Variants in TAF1C observed in about 807,000 individuals in gnomAD.
TAF1C encodes the protein TATA box-binding protein-associated factor RNA polymerase I subunit C.
A neutral mutation model predicts 70.5 loss-of-function variants in TAF1C; 79 were observed. That is an observed-to-expected ratio of 1.12 (90% CI 0.93 to 1.35). TAF1C has a LOEUF of 1.35. Ranked by LOEUF, TAF1C falls within the 40% of genes most tolerant of loss-of-function variation. TAF1C has a pLI of 0.00. For synonymous variants in TAF1C, 614 were observed against 491.1 expected (o/e 1.25, Z -3.31); for missense variants, 1,412 against 1,127.8 (o/e 1.25, Z -3.61).
rs985172922 is a variant in TAF1C at position 84,187,041 on chromosome 16, G to A, written c.-213C>T. 1.3e-5 allele frequency: 2 copies of A among 152,176 alleles called. No individual in the cohort carries two copies. Among genetic ancestry groups the A allele is most frequent in the Non-Finnish European group, 2.9e-5 (2 of 68,032 alleles). The allele number at this position is 152,176 out of a possible 1,614,324, so 9.4% of individuals were successfully genotyped here. A position where few individuals can be genotyped will look rare whatever the true frequency, so the allele number is the denominator to read the frequency against. On this transcript the variant is annotated 5_prime_UTR_variant, in exon 1 of 15. Coordinates refer to ENST00000566732, the MANE Select transcript of TAF1C (RefSeq NM_001243156.2). Reference sequence around the variant, plus strand: ...GTCAGCCCCGCCGCAGCTACCCACGGTCTTCCGGTTTGGACCGGAAGTGCC... The same window carrying A: ...GTCAGCCCCGCCGCAGCTACCCACGATCTTCCGGTTTGGACCGGAAGTGCC...
chr16:84,184,950 C>A lies in TAF1C; in HGVS notation c.39G>T (p.Leu13=). The A allele has an allele frequency of 6.2e-7, 1 of 1,613,920 alleles. No homozygotes were observed. The highest frequency in any genetic ancestry group is 8.5e-7 in the Non-Finnish European group (1 of 1,179,954). The change falls in exon 2 of 15, where the codon CTG becomes CTT. Residue 13 remains leucine (L), a synonymous_variant. Coordinates refer to ENST00000566732, the MANE Select transcript of TAF1C (RefSeq NM_001243156.2). The stretch of plus-strand genomic sequence containing the variant: ...CGTCGCTCAGACCAAGGGGGCCGGT[C>A]AGAAACAATGCAGGGCGGAGGGAGC... The part of the protein sequence containing the change: ...FPSSLRPALF[L]TGPLGLSDVP...
chr16:84,180,896 C>T (rs4150157), intron 12 of TAF1C, 147 bp downstream of exon 12: 503,617 of 1,431,152 alleles, frequency 0.35, 91,292 homozygotes, highest in Admixed American at 0.43. Flanking sequence ...GGATCCACTG[C>T]GTGTTTGGGC....
chr16:84,181,422 C>T lies in TAF1C; in HGVS notation c.1070G>A (p.Arg357Gln), dbSNP rs558836491. Residue 357 changes from arginine (R) to glutamine (Q), a missense_variant, in exon 11 of 15, where the codon CGG becomes CAG. Coordinates refer to ENST00000566732, the MANE Select transcript of TAF1C (RefSeq NM_001243156.2). ...IYRDPETLVF[R>Q]DSSSWRWADF... is the part of the protein sequence containing the mutation. ...TGCCCAACGCCACGAAGAGGAGTCC[C>T]GGAACACGAGGGTCTCAGGGTCCCT... The T allele has an allele frequency of 8.3e-5, 134 of 1,613,842 alleles. No homozygotes were observed. In the South Asian group the frequency reaches 1.1e-3, roughly 13 times the overall value.
intron 1 of TAF1C, among the ~76,000 whole-genome samples, chr16:84,186,202 A>C (rs2089478276): frequency 6.6e-6 from 1 of 152,248 alleles, no homozygotes; most frequent in Admixed American, 6.5e-5. Flanking sequence ...GCTCCGAACC[A>C]GTGCTCTCGC....
At position 84,183,220 on chromosome 16, in the gene TAF1C, C is replaced by G. The variant is rs144692241; in HGVS notation, c.408+24G>C. 4.9e-4 allele frequency: 783 copies of G among 1,613,954 alleles called. 5 individuals are homozygous for G. The Middle Eastern group carries it at 8.9e-3, about 18-fold the overall frequency. On this transcript the variant is annotated intron_variant, in intron 5 of 14. Coordinates refer to ENST00000566732, the MANE Select transcript of TAF1C (RefSeq NM_001243156.2). ...CCTGAAGGACAGCAGGGAGTCCCCACCCCTGGAGTCACGGGCCACTCACCC... is the reference window on the plus strand; with the variant it reads ...CCTGAAGGACAGCAGGGAGTCCCCAGCCCTGGAGTCACGGGCCACTCACCC...
Position 84,178,350 on chromosome 16 carries a change from G to A in TAF1C, c.*591C>T, listed in dbSNP as rs748009460. On this transcript the variant is annotated 3_prime_UTR_variant, in exon 15 of 15. Transcript: ENST00000566732. ...CAGGTAGTAGCTGTGGCGGGACGCT[G>A]TCCAGCCTAAAAAACGTGACCATTC... The A allele has an allele frequency of 2.0e-5, 9 of 456,818 alleles. No individual in the cohort carries two copies. 28.3% of individuals were successfully genotyped at this position (456,818 alleles called of 1,614,324 possible). A position where few individuals can be genotyped will look rare whatever the true frequency, so the allele number is the denominator to read the frequency against.
rs1224160069 is a variant in TAF1C, at chr16:84,179,292, C to G, written c.2181G>C (p.Arg727=). Residue 727 remains arginine (R), a synonymous_variant, in exon 15 of 15, where the codon CGG becomes CGC. Coordinates refer to ENST00000566732, the MANE Select transcript of TAF1C (RefSeq NM_001243156.2). ...GCGAAAAGCTGCTGGACAGCTGGGTCCGGCGCTTGGGCCGCCTGGTCTGTC... is the reference window on the plus strand; with the variant it reads ...GCGAAAAGCTGCTGGACAGCTGGGTGCGGCGCTTGGGCCGCCTGGTCTGTC... ...PGRQTRRPKR[R]TQLSSSFSLS... is the part of the protein sequence containing the mutation. 6.3e-7 allele frequency: 1 copy of G among 1,593,282 alleles called. No individual in the cohort carries two copies. Among genetic ancestry groups the G allele is most frequent in the African/African-American group, 1.3e-5 (1 of 74,780 alleles).
chr16:84,183,326 C>A lies in TAF1C; in HGVS notation c.326G>T (p.Arg109Leu). Residue 109 changes from arginine to leucine, a missense_variant, in exon 5 of 15, where the codon CGG becomes CTG. Transcript: ENST00000566732. The part of the protein sequence containing the change: ...VVLDVTEQIS[R>L]FLLDHGDVAF... Reference sequence around the variant, plus strand: ...TACGTCTCCATGATCCAAGAGGAACCGGCTGATCTGGGGAGAAGAGGAGGC... The same window carrying A: ...TACGTCTCCATGATCCAAGAGGAACAGGCTGATCTGGGGAGAAGAGGAGGC... 3 of 1,613,974 alleles carry A rather than the reference C, an allele frequency of 1.9e-6. No homozygotes were observed. The highest frequency in any genetic ancestry group is 2.2e-5 in the South Asian group (2 of 91,080).
In TAF1C at chr16:84,184,963, G is replaced by A; in HGVS notation, c.26C>T (p.Pro9Leu). The A allele has an allele frequency of 1.9e-6, 3 of 1,613,838 alleles. No homozygotes were observed. The highest frequency in any genetic ancestry group is 2.5e-6 in the Non-Finnish European group (3 of 1,179,894). Residue 9 changes from proline (P) to leucine (L), a missense_variant, in exon 2 of 15, where the codon CCT (proline) becomes CTT (leucine). Physicochemically the swap from Pro to Leu is moderately conservative, Grantham distance 98. Transcript: ENST00000566732. MDFPSSLR[P>L]ALFLTGPLGL... is the part of the protein sequence containing the mutation. ...AAGGGGGCCGGTCAGAAACAATGCAGGGCGGAGGGAGCTGGGGAAGTCCAT... is the reference window on the plus strand; with the variant it reads ...AAGGGGGCCGGTCAGAAACAATGCAAGGCGGAGGGAGCTGGGGAAGTCCAT...
Position 84,181,179 on chromosome 16 carries a change from G to C in TAF1C, c.1172C>G (p.Pro391Arg). 1 of 1,607,484 alleles carries C rather than the reference G, an allele frequency of 6.2e-7. No homozygotes were observed. The highest frequency in any genetic ancestry group is 2.2e-5 in the East Asian group (1 of 44,652). The change falls in exon 12 of 15, where the codon CCG becomes CGG. Residue 391 changes from proline to arginine, a missense_variant. Coordinates refer to ENST00000566732, the MANE Select transcript of TAF1C (RefSeq NM_001243156.2). ...ACGAAAAAGCAACAGACCACAGCCC[G>C]GCGGGCCCTGGAAGATAAACACAGG... ...GVKMLDTQGP[P>R]GCGLLLFRLG...
In TAF1C at chr16:84,179,536, T is replaced by C; in HGVS notation, c.1937A>G (p.Glu646Gly). The change falls in exon 15 of 15, where the codon GAG (glutamate) becomes GGG (glycine). Residue 646 changes from glutamate to glycine, a missense_variant. Physicochemically the swap from Glu to Gly is moderately conservative, Grantham distance 98. Coordinates refer to ENST00000566732, the MANE Select transcript of TAF1C (RefSeq NM_001243156.2). Reference sequence around the variant, plus strand: ...ACCCAGCCGCTGCCCTTCCTCTTCCTCCCTCCGCAGCTCTGTGCTGCCCAG... The same window carrying C: ...ACCCAGCCGCTGCCCTTCCTCTTCCCCCCTCCGCAGCTCTGTGCTGCCCAG... ...QMLGSTELRR[E>G]EEEGQRLGVL... 4 of 1,608,306 alleles carry C rather than the reference T, an allele frequency of 2.5e-6. No individual in the cohort carries two copies. The highest frequency in any genetic ancestry group is 3.4e-6 in the Non-Finnish European group (4 of 1,177,212).
Position 84,181,814 on chromosome 16 carries a change from A to C in TAF1C, c.888T>G (p.Gly296=). Residue 296 remains glycine, a synonymous_variant, in exon 9 of 15, where the codon GGT becomes GGG. Coordinates refer to ENST00000566732, the MANE Select transcript of TAF1C (RefSeq NM_001243156.2). ...GCAGAAGGGTTGGCTGCCACTGTTT[A>C]CCAAACTTCCACACGGCACAGTGGT... ...SDYHCAVWKF[G]KQWQPTLLQA... 6.2e-7 allele frequency: 1 copy of C among 1,614,086 alleles called. No homozygotes were observed. Among genetic ancestry groups the C allele is most frequent in the South Asian group, 1.1e-5 (1 of 91,074 alleles).
At chr16:84,181,917 A>T (rs2089222024) in intron 8 of TAF1C, 25 bp downstream of exon 8, 1 of 1,613,982 alleles carries the variant, frequency 6.2e-7, no homozygotes, top group Non-Finnish European at 8.5e-7. Flanking sequence ...CCAGTGAGGG[A>T]GGAAAGTGTA....
At position 84,178,465 on chromosome 16, in the gene TAF1C, T is replaced by C. The variant is rs1009045912; in HGVS notation, c.*476A>G. On this transcript the variant is annotated 3_prime_UTR_variant, in exon 15 of 15. Coordinates refer to ENST00000566732, the MANE Select transcript of TAF1C (RefSeq NM_001243156.2). ...GGAAACATCAGACCGGGGCAGAGAT[T>C]GACAAAGCAACCCACAACAGCAGCT... The C allele has an allele frequency of 3.5e-5, 16 of 459,324 alleles. No homozygotes were observed. The highest frequency in any genetic ancestry group is 7.0e-5 in the Non-Finnish European group (16 of 229,334). 28.5% of individuals were successfully genotyped at this position (459,324 alleles called of 1,614,324 possible). A position where few individuals can be genotyped will look rare whatever the true frequency, so the allele number is the denominator to read the frequency against.
Position 84,178,094 on chromosome 16 carries a change from C to T in TAF1C, c.*847G>A, listed in dbSNP as rs1208843766. 8.4e-6 allele frequency: 4 copies of T among 474,022 alleles called. No individual in the cohort carries two copies. The East Asian group carries it at 1.7e-4, about 21-fold the overall frequency. 29.4% of individuals were successfully genotyped at this position (474,022 alleles called of 1,614,324 possible). On this transcript the variant is annotated 3_prime_UTR_variant, in exon 15 of 15. Coordinates refer to ENST00000566732, the MANE Select transcript of TAF1C (RefSeq NM_001243156.2). ...CCCCACAGGAAAACAGAATCTTCCA[C>T]TGCAGCTAGAGAAACTCCGAGGAAG...
Position 84,184,842 on chromosome 16 carries a change from C to A in TAF1C, c.138+9G>T. 1 of 1,595,938 alleles carries A rather than the reference C, an allele frequency of 6.3e-7. No individual in the cohort carries two copies. The highest frequency in any genetic ancestry group is 8.5e-7 in the Non-Finnish European group (1 of 1,171,436). On this transcript the variant is annotated intron_variant, in intron 2 of 14. Coordinates refer to ENST00000566732, the MANE Select transcript of TAF1C (RefSeq NM_001243156.2). ...TGGAGCTGCCAGGGCCCCCTGCCTG[C>A]ATCCTCACCTCTGAGTTCTGGGGCT...
rs552416619 is a variant in TAF1C at position 84,183,623 on chromosome 16, G to C, written c.220+74C>G. On this transcript the variant is annotated intron_variant, in intron 3 of 14. Transcript: ENST00000566732. Reference sequence around the variant, plus strand: ...GGCACAGGCTTAGCAGGGAGAGGAAGGTCTCAGGAGCGGGAGCAGTGGGAA... The same window carrying C: ...GGCACAGGCTTAGCAGGGAGAGGAACGTCTCAGGAGCGGGAGCAGTGGGAA... 3.2e-6 allele frequency: 5 copies of C among 1,546,882 alleles called. No individual in the cohort carries two copies. In the African/African-American group the frequency reaches 6.8e-5, roughly 21 times the overall value.
In TAF1C at chr16:84,182,304, G is replaced by T; in HGVS notation, c.619C>A (p.Leu207Met). 1 of 1,612,840 alleles carries T rather than the reference G, an allele frequency of 6.2e-7. No homozygotes were observed. The highest frequency in any genetic ancestry group is 8.5e-7 in the Non-Finnish European group (1 of 1,179,912). ...ELVLRWEQLL[L>M]DEACTGGALA... ...GCGCCCCCAGTGCAGGCCTCATCCA[G>T]AAGCAGCTGCTCCCACCGCAGCACC... is the stretch of plus-strand genomic sequence containing the variant. Residue 207 changes from leucine to methionine, a missense_variant, in exon 7 of 15, where the codon CTG (leucine) becomes ATG (methionine). By Grantham distance (15) the Leu-to-Met change is conservative. Coordinates refer to ENST00000566732, the MANE Select transcript of TAF1C (RefSeq NM_001243156.2). This position sits in a 1 kb window ranked among gnomAD's most constrained non-coding sequence, Gnocchi z 5.0.
In TAF1C at chr16:84,179,372, CT is replaced by C; in HGVS notation, c.2100del (p.Gly701AlafsTer72). 1 of 1,599,752 alleles carries C rather than the reference CT, an allele frequency of 6.3e-7. No homozygotes were observed. The highest frequency in any genetic ancestry group is 8.5e-7 in the Non-Finnish European group (1 of 1,178,596). ...CTCTCCCACCAGGCAGCCCCTCGGC[CT>C]GCCCAGGCTTCCCCCAGGCGCTCAC... ...KLSERLGEAWAGRGAAWWERQ... is the reference protein window; with the variant it reads ...KLSERLGEAWXGRGAAWWERQ... On this transcript the variant is annotated frameshift_variant, in exon 15 of 15. Transcript: ENST00000566732. LOFTEE classifies it low-confidence loss of function (END_TRUNC).
Sources: allele counts gnomAD v4.1 joint callset (sites outside exome capture counted in the v4.1 genomes callset), GRCh38; gene constraint gnomAD v4.1.1; non-coding constraint Gnocchi (gnomAD v3.1); transcripts MANE v1.5; gene names NCBI Gene and HGNC (gene_info 2026-07-23, HGNC 2026-07-21).